CLDN19: variants seen among roughly 807,000 people sequenced by gnomAD.
CLDN19 encodes the protein claudin-19.
CLDN19 carries 19 observed loss-of-function variants against 24.5 expected under a neutral mutation model. The observed-to-expected ratio is 0.78, with a 90% CI of 0.54 to 1.14. The LOEUF (loss-of-function observed/expected upper bound fraction) is 1.14. CLDN19 is among the 50% of genes most tolerant of loss of function. The pLI is 0.00. For missense variants in CLDN19, 250 were observed against 295.9 expected (o/e 0.84, Z 1.14); for synonymous variants, 117 against 129.6 (o/e 0.90, Z 0.66).
chr1:42,735,897 G>T lies in CLDN19; in HGVS notation c.607C>A (p.Pro203Thr). 6.3e-7 allele frequency: 1 copy of T among 1,579,870 alleles called. No homozygotes were observed. The highest frequency in any genetic ancestry group is 2.3e-5 in the East Asian group (1 of 43,288). The change falls in exon 4 of 5, where the codon CCC becomes ACC. Residue 203 changes from proline to threonine, a missense_variant. Physicochemically the swap from Pro to Thr is conservative, Grantham distance 38. Transcript: ENST00000296387. The stretch of plus-strand genomic sequence containing the variant: ...ACGTACTCTCGGGCAGCAGCAGAGG[G>T]TCCAGGCCGATAGGGCTGTGGGCTG... ...NSSPQPYRPGPSAAAREPVVK... is the reference protein window; with the variant it reads ...NSSPQPYRPGTSAAAREPVVK...
At chr1:42,739,118 G>A (rs1570445724) in intron 1 of CLDN19, among the ~76,000 whole-genome samples, 1 of 152,162 alleles carries the variant, frequency 6.6e-6, no homozygotes, top group South Asian at 2.1e-4. Context: ...AGGAGACCTG[G>A]GTCCCTCAGC....
At chr1:42,738,363 C>T (rs978945744) in intron 2 of CLDN19, 50 bp from the exon 3 acceptor site, 5 of 1,613,570 alleles carry the variant, frequency 3.1e-6, no homozygotes, top group Admixed American at 1.7e-5. Flanking sequence ...CCCCCGAGGC[C>T]ACTGGGGCTG....
intron 3 of CLDN19, 81 bp from the exon 4 acceptor site, chr1:42,736,111 C>T (rs930124293): frequency 2.9e-5 from 26 of 911,622 alleles, no homozygotes; most frequent in Non-Finnish European, 4.5e-5. Flanking sequence ...AGAGGAAGGG[C>T]AGAGTGTGTG....
intron 3 of CLDN19, among the ~76,000 whole-genome samples, 155 bp downstream of exon 3, chr1:42,738,074 T>C (rs1651427723): frequency 1.3e-5 from 2 of 152,212 alleles, no homozygotes; most frequent in African/African-American, 4.8e-5. Flanking sequence ...CCCGCCCCTA[T>C]GGAGGGCCCC....
chr1:42,739,574 A>G (rs2124048896), intron 1 of CLDN19, among the ~76,000 whole-genome samples: 1 of 152,302 alleles, frequency 6.6e-6, no homozygotes, highest in African/African-American at 2.4e-5. Context: ...AGAACATCAC[A>G]ATGGGAAGAG....
At position 42,740,171 on chromosome 1, in the gene CLDN19, C is replaced by A; in HGVS notation, c.-108G>T. 1.2e-6 allele frequency: 1 copy of A among 818,550 alleles called. No homozygotes were observed. The highest frequency in any genetic ancestry group is 2.0e-6 in the Non-Finnish European group (1 of 493,192). The allele number at this position is 818,550 out of a possible 1,614,324, so 50.7% of individuals were successfully genotyped here. A position where few individuals can be genotyped will look rare whatever the true frequency, so the allele number is the denominator to read the frequency against. On this transcript the variant is annotated 5_prime_UTR_variant, in exon 1 of 5. Coordinates refer to ENST00000296387, the MANE Select transcript of CLDN19 (RefSeq NM_148960.3). ...AGGAGCAGCTGGGCAGGGGGAGCAG[C>A]GAGAAGGAGGGTCAGAGGCAGAGAA...
At chr1:42,737,774 C>T (rs1486914702) in intron 3 of CLDN19, among the ~76,000 whole-genome samples, 2 of 152,200 alleles carry the variant, frequency 1.3e-5, no homozygotes, top group African/African-American at 4.8e-5. Context: ...CTTTTGCCTC[C>T]CGGGTTCAAG....
chr1:42,738,937 T>G (rs1651462102), intron 1 of CLDN19, among the ~76,000 whole-genome samples: 1 of 152,046 alleles, frequency 6.6e-6, no homozygotes, highest in African/African-American at 2.4e-5. Context: ...TCAGGTTTGG[T>G]AGGTGGAAGA....
At chr1:42,739,739 A>G (rs1390601971) in intron 1 of CLDN19, 102 bp downstream of exon 1, 7 of 947,716 alleles carry the variant, frequency 7.4e-6, no homozygotes, top group African/African-American at 1.6e-5. Flanking sequence ...CGGAGGCTGG[A>G]GGTTGGAGCC....
In CLDN19 at chr1:42,735,128, A is replaced by G. The variant is rs1422290318; in HGVS notation, c.633T>C (p.Val211=). 6.2e-7 allele frequency: 1 copy of G among 1,614,040 alleles called. No individual in the cohort carries two copies. The highest frequency in any genetic ancestry group is 1.7e-5 in the Admixed American group (1 of 60,018). ...PGPSAAAREP[V]VKLPASAKGP... ...CCTTGGCGGAGGCGGGCAATTTAAC[A>G]ACTGGTCTGAAAGTCAAAAGAGAGA... Residue 211 remains valine (V), a synonymous_variant, in exon 5 of 5, where the codon GTT becomes GTC. Transcript: ENST00000296387.
intron 4 of CLDN19, 51 bp downstream of exon 4, chr1:42,735,827 A>AG: frequency 6.4e-7 from 1 of 1,554,384 alleles, no homozygotes. Flanking sequence ...ATGCTGGGCA[A>AG]GGGGGCCACT....
At position 42,738,351 on chromosome 1, in the gene CLDN19, GC is replaced by G. The variant is rs766222755; in HGVS notation, c.389-39del. On this transcript the variant is annotated intron_variant, in intron 2 of 4. Transcript: ENST00000296387. Reference sequence around the variant, plus strand: ...CAGAGGGGCGCTCAGCTCTGCTCTGGCCCCCCGAGGCCACTGGGGCTGGGGC... The same window carrying G: ...CAGAGGGGCGCTCAGCTCTGCTCTGGCCCCCGAGGCCACTGGGGCTGGGGC... 3.5e-4 allele frequency: 559 copies of G among 1,612,788 alleles called. 3 individuals carry two copies. Among genetic ancestry groups the G allele is most frequent in the Admixed American group, 1.1e-3 (65 of 60,022 alleles).
chr1:42,733,778 G>A lies in CLDN19; in HGVS notation c.*1308C>T, dbSNP rs1570440610. ...TGCAGCACCGGCCAGGCCAGGCGCC[G>A]AGGGGTCAGTCCCCCAGCAGCTCCC... On this transcript the variant is annotated 3_prime_UTR_variant, in exon 5 of 5. Transcript: ENST00000296387. 6.5e-6 allele frequency: 1 copy of A among 152,864 alleles called. No individual in the cohort carries two copies. The highest frequency in any genetic ancestry group is 2.1e-4 in the South Asian group (1 of 4,830). 9.5% of individuals were successfully genotyped at this position (152,864 alleles called of 1,614,324 possible).
rs9660973 is a variant in CLDN19 at position 42,735,943 on chromosome 1, C to A, written c.561G>T (p.Pro187=). 1.9e-6 allele frequency: 3 copies of A among 1,577,338 alleles called. No homozygotes were observed. The highest frequency in any genetic ancestry group is 2.6e-6 in the Non-Finnish European group (3 of 1,161,670). The change falls in exon 4 of 5, where the codon CCG becomes CCT. Residue 187 remains proline (P), a synonymous_variant. Transcript: ENST00000296387. The part of the protein sequence containing the change: ...LGGSFLCCTC[P]EPERPNSSPQ... ...GGCTGCTGTTGGGTCTCTCTGGCTC[C>A]GGGCATGTGCAGCAGAGGAAGGAGC...
In CLDN19 at chr1:42,735,080, T is replaced by C; in HGVS notation, c.*6A>G. On this transcript the variant is annotated 3_prime_UTR_variant, in exon 5 of 5. Coordinates refer to ENST00000296387, the MANE Select transcript of CLDN19 (RefSeq NM_148960.3). ...CAGGGGACAGAGCCTGGCTGGGGACTGGACATTACACACCCAGGGGGCCCT... is the reference window on the plus strand; with the variant it reads ...CAGGGGACAGAGCCTGGCTGGGGACCGGACATTACACACCCAGGGGGCCCT... 2 of 1,605,796 alleles carry C rather than the reference T, an allele frequency of 1.2e-6. No homozygotes were observed. Among genetic ancestry groups the C allele is most frequent in the South Asian group, 2.2e-5 (2 of 90,870 alleles).
At position 42,737,648 on chromosome 1, in the gene CLDN19, C is replaced by G. The variant is rs567155912; in HGVS notation, c.473+581G>C. On this transcript the variant is annotated intron_variant, in intron 3 of 4. Transcript: ENST00000296387. ...GGCACAGAAAGATTAAGTAACTTGC[C>G]CAGGTGACACAGTGCATGCAAAGCT... is the stretch of plus-strand genomic sequence containing the variant. Among the ~76,000 whole-genome samples the G allele has an allele frequency of 4.6e-5, 7 of 152,250 alleles. No individual in the cohort carries two copies. In the East Asian group the frequency reaches 1.2e-3, roughly 25 times the overall value.
Position 42,736,037 on chromosome 1 carries a change from G to A in CLDN19, c.474-7C>T, listed in dbSNP as rs765040163. On this transcript the variant is annotated splice_polypyrimidine_tract_variant and splice_region_variant and intron_variant, in intron 3 of 4. Transcript: ENST00000296387. ...GGCTGGGCCAAATTCATACCTGCAA[G>A]GGGTAGGGAGAGTGGCATCAGGTGT... 4.5e-6 allele frequency: 7 copies of A among 1,559,488 alleles called. No homozygotes were observed. The highest frequency in any genetic ancestry group is 6.1e-6 in the Non-Finnish European group (7 of 1,147,932).
rs1485474618 is a variant in CLDN19, at chr1:42,738,140, G to A, written c.473+89C>T. Reference sequence around the variant, plus strand: ...GCTTCTTGGACAGCAGCTGGATCCTGTCCCCACTTCCCCCGCCAGGTGATC... The same window carrying A: ...GCTTCTTGGACAGCAGCTGGATCCTATCCCCACTTCCCCCGCCAGGTGATC... On this transcript the variant is annotated intron_variant, in intron 3 of 4. Coordinates refer to ENST00000296387, the MANE Select transcript of CLDN19 (RefSeq NM_148960.3). The A allele has an allele frequency of 2.7e-6, 3 of 1,111,982 alleles. No individual in the cohort carries two copies. The African/African-American group carries it at 4.6e-5, about 17-fold the overall frequency. 68.9% of individuals were successfully genotyped at this position (1,111,982 alleles called of 1,614,324 possible).
In CLDN19 at chr1:42,735,117, G is replaced by A; in HGVS notation, c.644C>T (p.Pro215Leu). Residue 215 changes from proline to leucine, a missense_variant, in exon 5 of 5, where the codon CCC (proline) becomes CTC (leucine). Coordinates refer to ENST00000296387, the MANE Select transcript of CLDN19 (RefSeq NM_148960.3). ...ACCCAGGGGGCCCTTGGCGGAGGCG[G>A]GCAATTTAACAACTGGTCTGAAAGT... ...AAAREPVVKL[P>L]ASAKGPLGV The A allele has an allele frequency of 6.2e-7, 1 of 1,614,062 alleles. No homozygotes were observed. The highest frequency in any genetic ancestry group is 8.5e-7 in the Non-Finnish European group (1 of 1,179,950).
Sources: allele counts gnomAD v4.1 joint callset (sites outside exome capture counted in the v4.1 genomes callset), GRCh38; gene constraint gnomAD v4.1.1; transcripts MANE v1.5; gene names NCBI Gene and HGNC (gene_info 2026-07-23, HGNC 2026-07-21).